COL12A1: variants seen among roughly 807,000 people sequenced by gnomAD.
The protein encoded by COL12A1 is collagen alpha-1(XII) chain.
In COL12A1, 114 loss-of-function variants were observed where a neutral mutation model predicts 349.7. That is an observed-to-expected ratio of 0.33 (90% CI 0.28 to 0.38). COL12A1 has a LOEUF of 0.38. COL12A1 is among the 10% of genes least tolerant of loss of function. COL12A1 has a pLI of 1.00. For missense variants in COL12A1, 3,284 were observed against 3,756.9 expected (o/e 0.87, Z 3.29); for synonymous variants, 1,369 against 1,329.0 (o/e 1.03, Z -0.66).
At position 75,189,687 on chromosome 6, in the gene COL12A1, C is replaced by T; in HGVS notation, c.523G>A (p.Glu175Lys). Reference protein sequence around the residue: ...ALVSAFDIGEEKTRVGVVQYS... With the variant: ...ALVSAFDIGEKKTRVGVVQYS... ...TGAACAACTCCAACTCTTGTCTTCT[C>T]TTCCCCAATGTCAAAAGCAGACACA... The change falls in exon 6 of 66, where the codon GAG becomes AAG. Residue 175 changes from glutamate (E) to lysine (K), a missense_variant. Physicochemically the swap from Glu to Lys is moderately conservative, Grantham distance 56. Around this residue, in one of 2 missense-constraint regions of COL12A1, gnomAD observed 2,601 missense variants for 2,824.8 expected, o/e 0.92. Coordinates refer to ENST00000322507, the MANE Select transcript of COL12A1 (RefSeq NM_004370.6). 6.2e-7 allele frequency: 1 copy of T among 1,613,442 alleles called. No homozygotes were observed. The highest frequency in any genetic ancestry group is 1.1e-5 in the South Asian group (1 of 91,066).
intron 2 of COL12A1, among the ~76,000 whole-genome samples, chr6:75,195,890 A>T (rs1770204397): frequency 6.6e-6 from 1 of 152,214 alleles, no homozygotes; most frequent in South Asian, 2.1e-4. Flanking sequence ...GTGAAGAAGG[A>T]TCAGTGATCT....
intron 60 of COL12A1, among the ~76,000 whole-genome samples, chr6:75,093,913 T>C (rs1159480188): frequency 6.6e-6 from 1 of 152,206 alleles, no homozygotes; most frequent in Non-Finnish European, 1.5e-5. Context: ...ACTGAGGTCA[T>C]AGTAAAACAA....
chr6:75,156,164 G>T (rs1227592059), intron 15 of COL12A1, 93 bp downstream of exon 15: 1 of 1,441,418 alleles, frequency 6.9e-7, no homozygotes, highest in Non-Finnish European at 9.5e-7. Flanking sequence ...TACGGAATCA[G>T]TTTTAAACAT....
intron 49 of COL12A1, among the ~76,000 whole-genome samples, chr6:75,115,559 T>C (rs1233590885): frequency 2.0e-5 from 3 of 152,168 alleles, no homozygotes; most frequent in African/African-American, 7.2e-5. Context: ...CAGCATGAGC[T>C]TCTTGGATCT....
rs369803330 is a variant in COL12A1, at chr6:75,177,742, C to T, written c.2358G>A (p.Thr786=). 14 of 1,613,928 alleles carry T rather than the reference C, an allele frequency of 8.7e-6. No individual in the cohort carries two copies. The highest frequency in any genetic ancestry group is 8.0e-5 in the African/African-American group (6 of 74,882). ...RRTLENLIPD[T]KYEVSVIPEY... ...CAGGAATTACAGATACTTCATATTTCGTGTCTGGAATCAAGTTCTCCAGTG... is the reference window on the plus strand; with the variant it reads ...CAGGAATTACAGATACTTCATATTTTGTGTCTGGAATCAAGTTCTCCAGTG... Residue 786 remains threonine (T), a synonymous_variant, in exon 12 of 66, where the codon ACG becomes ACA. Transcript: ENST00000322507.
At chr6:75,119,326 G>A in intron 45 of COL12A1, 24 bp downstream of exon 45, 1 of 1,607,942 alleles carries the variant, frequency 6.2e-7, no homozygotes, top group South Asian at 1.1e-5. Flanking sequence ...TGCTTGAAGA[G>A]TAAAGGTCTA....
At chr6:75,110,854 G>GA (rs1381885190) in intron 51 of COL12A1, among the ~76,000 whole-genome samples, 1 of 151,988 alleles carries the variant, frequency 6.6e-6, no homozygotes, top group Non-Finnish European at 1.5e-5. Flanking sequence ...GGAAAGTGAA[G>GA]AAAGAGTGCT....
intron 12 of COL12A1, among the ~76,000 whole-genome samples, chr6:75,177,090 TTAA>T (rs1192482683): frequency 1.2e-4 from 19 of 152,146 alleles, no homozygotes; most frequent in African/African-American, 3.9e-4. Context: ...ACTAAAACAT[TTAA>T]TAATATTATT....
At position 75,091,368 on chromosome 6, in the gene COL12A1, T is replaced by G. The variant is rs760970675; in HGVS notation, c.8707A>C (p.Met2903Leu). 1 of 1,613,852 alleles carries G rather than the reference T, an allele frequency of 6.2e-7. No individual in the cohort carries two copies. Among genetic ancestry groups the G allele is most frequent in the Non-Finnish European group, 8.5e-7 (1 of 1,179,932 alleles). Reference protein sequence around the residue: ...GDRGDIASQNMMRAVARQVCE... With the variant: ...GDRGDIASQNLMRAVARQVCE... ...ACTTGTCTTGCAACTGCTCGCATCA[T>G]GTTCTGGGAAGCAATGTCTCCCTTG... Residue 2903 changes from methionine to leucine, a missense_variant, in exon 62 of 66, where the codon ATG becomes CTG. By Grantham distance (15) the Met-to-Leu change is conservative. This residue lies in a region of COL12A1 where 683 missense variants were observed against 932.1 expected (regional missense o/e 0.73). Transcript: ENST00000322507.
chr6:75,097,332 A>G (rs1186008062), intron 58 of COL12A1, 26 bp from the exon 59 acceptor site: 1 of 1,598,188 alleles, frequency 6.3e-7, no homozygotes, highest in African/African-American at 1.3e-5. Context: ...AAGTAATTAC[A>G]GTTAGGGAGG....
At chr6:75,117,332 T>C (rs200767026) in intron 47 of COL12A1, 50 bp downstream of exon 47, 100 of 1,580,594 alleles carry the variant, frequency 6.3e-5, no homozygotes, top group South Asian at 5.6e-4. Context: ...TACTAAGTAA[T>C]TGTTTTTCAG....
In COL12A1 at chr6:75,105,721, C is replaced by T. The variant is rs73749326; in HGVS notation, c.8179-429G>A. 3.7e-3 allele frequency among the ~76,000 whole-genome samples: 560 copies of T among 152,296 alleles called. 3 individuals are homozygous for T. Among genetic ancestry groups the T allele is most frequent in the African/African-American group, 0.013 (539 of 41,558 alleles). Reference sequence around the variant, plus strand: ...TGAGGGCTGCTACTACCTACCATCACTGTCTGTCCCTTTGCCCTGATTTGT... The same window carrying T: ...TGAGGGCTGCTACTACCTACCATCATTGTCTGTCCCTTTGCCCTGATTTGT... On this transcript the variant is annotated intron_variant, in intron 53 of 65. Coordinates refer to ENST00000322507, the MANE Select transcript of COL12A1 (RefSeq NM_004370.6).
intron 52 of COL12A1, among the ~76,000 whole-genome samples, chr6:75,108,250 G>GT (rs757697231): frequency 0.018 from 2,646 of 146,046 alleles, 38 homozygotes; most frequent in Admixed American, 0.056. Flanking sequence ...CAGCTGATTG[G>GT]TTTTTTTTTT....
At chr6:75,143,086 A>G in intron 26 of COL12A1, 166 bp downstream of exon 26, 1 of 688,656 alleles carries the variant, frequency 1.5e-6, no homozygotes, top group Non-Finnish European at 2.4e-6. Flanking sequence ...AGTCCAATAT[A>G]TCATTGATTT....
chr6:75,140,431 C>T (rs1333242449), intron 27 of COL12A1, among the ~76,000 whole-genome samples: 2 of 151,942 alleles, frequency 1.3e-5, no homozygotes, highest in Non-Finnish European at 2.9e-5. Context: ...CCGAGGCGGG[C>T]GGATCACGAG....
Position 75,090,035 on chromosome 6 carries a change from T to A in COL12A1, c.8941+75A>T, listed in dbSNP as rs1380743808. On this transcript the variant is annotated intron_variant, in intron 63 of 65. Transcript: ENST00000322507. This position sits in a 1 kb window ranked among gnomAD's most constrained non-coding sequence, Gnocchi z 4.1. The stretch of plus-strand genomic sequence containing the variant: ...CAGTTTGCCTAGGTCACCTTTCAGA[T>A]GCCTTCAACCTGTCCCAACTCCTAC... 1 of 1,514,998 alleles carries A rather than the reference T, an allele frequency of 6.6e-7. No homozygotes were observed. The highest frequency in any genetic ancestry group is 9.0e-7 in the Non-Finnish European group (1 of 1,105,042). The allele number at this position is 1,514,998 out of a possible 1,614,324, so 93.8% of individuals were successfully genotyped here.
Position 75,112,141 on chromosome 6 carries a change from T to C in COL12A1, c.7950+1063A>G, listed in dbSNP as rs139459231. ...TGGTATTCCTGTTAACATAATCCAATGGATGAAGAAATACTATTAAAAAGT... is the reference window on the plus strand; with the variant it reads ...TGGTATTCCTGTTAACATAATCCAACGGATGAAGAAATACTATTAAAAAGT... On this transcript the variant is annotated intron_variant, in intron 51 of 65. Transcript: ENST00000322507. Among the ~76,000 whole-genome samples the C allele has an allele frequency of 8.3e-3, 1,258 of 151,864 alleles. 10 individuals carry two copies. The highest frequency in any genetic ancestry group is 0.016 in the South Asian group (77 of 4,824).
intron 34 of COL12A1, among the ~76,000 whole-genome samples, chr6:75,132,949 G>A (rs368194211): frequency 6.6e-6 from 1 of 152,070 alleles, no homozygotes; most frequent in East Asian, 1.9e-4. Flanking sequence ...TCAACAATTC[G>A]CACTATGAAA....
intron 28 of COL12A1, 109 bp downstream of exon 28, chr6:75,138,713 T>C: frequency 6.4e-7 from 1 of 1,560,520 alleles, no homozygotes; most frequent in Non-Finnish European, 8.7e-7. Context: ...TGAGCTCAAA[T>C]GTCAATAAAT....
Sources: allele counts gnomAD v4.1 joint callset (sites outside exome capture counted in the v4.1 genomes callset), GRCh38; gene constraint gnomAD v4.1.1; regional missense constraint gnomAD v4.1.1; non-coding constraint Gnocchi (gnomAD v3.1); transcripts MANE v1.5; gene names NCBI Gene and HGNC (gene_info 2026-07-23, HGNC 2026-07-21).